ANKRD12: variants seen among roughly 807,000 people sequenced by gnomAD.
The protein encoded by ANKRD12 is ankyrin repeat domain-containing protein 12.
ANKRD12 carries 85 observed loss-of-function variants against 183.4 expected under a neutral mutation model. That is an observed-to-expected ratio of 0.46 (90% CI 0.39 to 0.56). ANKRD12 has a LOEUF of 0.56. ANKRD12 is among the 20% of genes least tolerant of loss of function. The pLI, the probability that ANKRD12 is intolerant of heterozygous loss-of-function variation, is 0.00. For synonymous variants in ANKRD12, 914 were observed against 800.2 expected, an observed-to-expected ratio of 1.14 and a Z score of -2.40; for missense variants, 2,405 against 2,357.1, an observed-to-expected ratio of 1.02 and a Z score of -0.42.
chr18:9,172,732 C>G (rs561577205), intron 1 of ANKRD12, among the ~76,000 whole-genome samples: 2 of 152,278 alleles, frequency 1.3e-5, no homozygotes, highest in East Asian at 3.9e-4. Context: ...GTTCAGCCAT[C>G]TCAGCCTCAG....
At chr18:9,157,597 A>ATATATATATATATG (rs913027226) in intron 1 of ANKRD12, among the ~76,000 whole-genome samples, 1 of 114,798 alleles carries the variant, frequency 8.7e-6, no homozygotes, top group African/African-American at 4.0e-5. Context: ...ATATATATAT[A>ATATATATATATATG]TATGTATTTT....
At chr18:9,182,564 A>G (rs781603040) in intron 2 of ANKRD12, 45 bp downstream of exon 2, 13 of 1,276,474 alleles carry the variant, frequency 1.0e-5, no homozygotes, top group Non-Finnish European at 1.4e-5. Flanking sequence ...GAACTGGGAA[A>G]AAGACTCCCA....
Position 9,254,215 on chromosome 18 carries a change from C to T in ANKRD12, c.948C>T (p.Ser316=), listed in dbSNP as rs756943793. Residue 316 remains serine (S), a synonymous_variant, in exon 9 of 13, where the codon TCC becomes TCT. Transcript: ENST00000262126. The part of the protein sequence containing the change: ...LSDDDESYTD[S]EEAQSVNPSS... The stretch of plus-strand genomic sequence containing the variant: ...ATTTTCTTTTTTTTATTCTAGATTC[C>T]GAAGAGGCTCAATCTGTAAATCCTT... 5.9e-5 allele frequency: 90 copies of T among 1,522,814 alleles called. No individual in the cohort carries two copies. Among genetic ancestry groups the T allele is most frequent in the Non-Finnish European group, 6.0e-5 (68 of 1,138,240 alleles). 94.3% of individuals were successfully genotyped at this position (1,522,814 alleles called of 1,614,324 possible). A position where few individuals can be genotyped will look rare whatever the true frequency, so the allele number is the denominator to read the frequency against.
At chr18:9,239,186 C>A (rs1265268223) in intron 8 of ANKRD12, among the ~76,000 whole-genome samples, 1 of 152,178 alleles carries the variant, frequency 6.6e-6, no homozygotes, top group African/African-American at 2.4e-5. Context: ...AACTGTTATG[C>A]TATTCTAAAT....
intron 8 of ANKRD12, among the ~76,000 whole-genome samples, chr18:9,241,189 G>A (rs1267709553): frequency 6.6e-6 from 1 of 152,026 alleles, no homozygotes; most frequent in East Asian, 1.9e-4. Flanking sequence ...TACAAGAAGA[G>A]GTTACATCGG....
intron 8 of ANKRD12, among the ~76,000 whole-genome samples, chr18:9,242,812 TCTTC>T (rs1340619049): frequency 6.6e-6 from 1 of 152,238 alleles, no homozygotes; most frequent in Non-Finnish European, 1.5e-5. Flanking sequence ...GATTATATTC[TCTTC>T]CTTCCCATCT....
chr18:9,218,153 G>A (rs568538638), intron 7 of ANKRD12, among the ~76,000 whole-genome samples: 46 of 152,260 alleles, frequency 3.0e-4, no homozygotes, highest in African/African-American at 1.1e-3. Context: ...AAAGAATTAT[G>A]CCTGTGACTA....
chr18:9,170,454 C>T (rs956135656), intron 1 of ANKRD12, among the ~76,000 whole-genome samples: 1 of 152,116 alleles, frequency 6.6e-6, no homozygotes, highest in African/African-American at 2.4e-5. Flanking sequence ...TCATTTCATT[C>T]ATTTGATCTT....
intron 4 of ANKRD12, among the ~76,000 whole-genome samples, chr18:9,208,316 G>A (rs759270928): frequency 6.6e-6 from 1 of 152,066 alleles, no homozygotes; most frequent in African/African-American, 2.4e-5. Context: ...AATAAAAGAG[G>A]TTTCAAAGAT....
At chr18:9,168,442 T>A (rs1452238374) in intron 1 of ANKRD12, among the ~76,000 whole-genome samples, 16 of 152,194 alleles carry the variant, frequency 1.1e-4, no homozygotes, top group Admixed American at 1.0e-3. Context: ...CCTGATTTAG[T>A]CTTGGGAGGA....
At chr18:9,192,655 G>GT (rs2034525441) in intron 2 of ANKRD12, among the ~76,000 whole-genome samples, 1 of 151,834 alleles carries the variant, frequency 6.6e-6, no homozygotes, top group South Asian at 2.1e-4. Context: ...ATCTTGTGGA[G>GT]TAGGTGCCTT....
intron 1 of ANKRD12, among the ~76,000 whole-genome samples, chr18:9,143,997 ATACT>A (rs897589325): frequency 1.3e-5 from 2 of 152,196 alleles, no homozygotes; most frequent in African/African-American, 2.4e-5. Context: ...ACTTACATAG[ATACT>A]TACATACCTA....
rs770443476 is a variant in ANKRD12 at position 9,226,815 on chromosome 18, T to C, written c.943+4816T>C. ...GCTGAGAATGCATCATCATGAGAAATGCTCTTTTTTAAAAAAAATAAAGCC... is the reference window on the plus strand; with the variant it reads ...GCTGAGAATGCATCATCATGAGAAACGCTCTTTTTTAAAAAAAATAAAGCC... On this transcript the variant is annotated intron_variant, in intron 8 of 12. Transcript: ENST00000262126. Among the ~76,000 whole-genome samples the C allele has an allele frequency of 1.1e-4, 17 of 152,102 alleles. 1 individual carries two copies. Among genetic ancestry groups the C allele is most frequent in the Non-Finnish European group, 2.9e-5 (2 of 68,002 alleles).
intron 1 of ANKRD12, among the ~76,000 whole-genome samples, chr18:9,157,583 G>GTATA (rs1184683418): frequency 3.2e-4 from 32 of 100,588 alleles, no homozygotes; most frequent in African/African-American, 1.2e-3. Context: ...GTGTGTGTGT[G>GTATA]TGTATATATA....
Position 9,182,510 on chromosome 18 carries a change from T to C in ANKRD12, c.78T>C (p.Tyr26=). 1.2e-6 allele frequency: 2 copies of C among 1,604,062 alleles called. No individual in the cohort carries two copies. Among genetic ancestry groups the C allele is most frequent in the South Asian group, 1.1e-5 (1 of 89,808 alleles). The change falls in exon 2 of 13, where the codon TAT becomes TAC. Residue 26 remains tyrosine, a synonymous_variant. Coordinates refer to ENST00000262126, the MANE Select transcript of ANKRD12 (RefSeq NM_015208.5). ...ACAGCAATATGGTAGAGAAACCATA[T>C]GGAAGAAAGGTATATGATTATACTA... ...DSDSNMVEKP[Y]GRKSKDKIAS...
intron 1 of ANKRD12, among the ~76,000 whole-genome samples, chr18:9,142,169 C>A (rs2078340614): frequency 6.6e-6 from 1 of 152,166 alleles, no homozygotes; most frequent in African/African-American, 2.4e-5. Flanking sequence ...ATTCTGACTT[C>A]TAATAGAGAA....
At chr18:9,240,287 A>G (rs1363035474) in intron 8 of ANKRD12, among the ~76,000 whole-genome samples, 1 of 152,208 alleles carries the variant, frequency 6.6e-6, no homozygotes, top group African/African-American at 2.4e-5. Context: ...TTAAATTTGC[A>G]TAATTCTTTA....
chr18:9,198,662 G>A (rs1031322529), intron 3 of ANKRD12, among the ~76,000 whole-genome samples: 1 of 152,022 alleles, frequency 6.6e-6, no homozygotes, highest in African/African-American at 2.4e-5. Context: ...TGATTCTCCC[G>A]CCTCAGCCTT....
intron 1 of ANKRD12, among the ~76,000 whole-genome samples, chr18:9,147,483 T>A (rs949156924): frequency 2.0e-5 from 3 of 152,186 alleles, no homozygotes; most frequent in Non-Finnish European, 4.4e-5. Context: ...TTTAGATAAT[T>A]TAAAAGGTAC....
Sources: gnomAD v4.1 joint callset for allele counts (sites outside exome capture counted in the v4.1 genomes callset) on GRCh38, gnomAD v4.1.1 for gene constraint, MANE v1.5 for transcripts, NCBI Gene and HGNC (gene_info 2026-07-23, HGNC 2026-07-21) for gene names.